The following LINGO2 variants were observed in gnomAD, a reference collection of about 807,000 sequenced individuals.
LINGO2 encodes leucine-rich repeat and immunoglobulin-like domain-containing nogo receptor-interacting protein 2.
In LINGO2, 14 loss-of-function variants were observed where a neutral mutation model predicts 30.6. That is an observed-to-expected ratio of 0.46 (90% CI 0.30 to 0.72). LINGO2 has a LOEUF of 0.72. LINGO2 is among the 30% of genes least tolerant of loss of function. LINGO2 has a pLI of 0.07. For synonymous variants in LINGO2, 317 were observed against 288.5 expected (o/e 1.10, Z -1.00); for missense variants, 729 against 751.7 (o/e 0.97, Z 0.35).
the LINGO2 span, among the ~76,000 whole-genome samples, chr9:28,968,926 T>A: frequency 6.6e-6 from 1 of 152,172 alleles, no homozygotes; most frequent in Non-Finnish European, 1.5e-5. Context: ...AGTAGACACA[T>A]GCTCCCAAAG....
chr9:28,128,362 A>G (rs1303916768), intron 4 of LINGO2, among the ~76,000 whole-genome samples: 1 of 152,182 alleles, frequency 6.6e-6, no homozygotes, highest in Admixed American at 6.5e-5. Flanking sequence ...GAAAATCATC[A>G]TTCCCAGATT....
intron 5 of LINGO2, among the ~76,000 whole-genome samples, chr9:27,976,192 G>T (rs572515756): frequency 6.6e-6 from 1 of 152,248 alleles, no homozygotes; most frequent in South Asian, 2.1e-4. Flanking sequence ...AGCAGTGTCT[G>T]CCACTTACTA....
At chr9:28,409,322 A>G (rs1315012126) in intron 2 of LINGO2, among the ~76,000 whole-genome samples, 1 of 152,060 alleles carries the variant, frequency 6.6e-6, no homozygotes. Context: ...TAATTTTAAC[A>G]CCCACTTCAC....
rs576738941 is a variant in LINGO2, at chr9:28,150,977, A to T, written c.-86-138572T>A. Among the ~76,000 whole-genome samples the T allele has an allele frequency of 1.4e-4, 22 of 152,368 alleles. No homozygotes were observed. The South Asian group carries it at 4.6e-3, about 32-fold the overall frequency. Reference sequence around the variant, plus strand: ...TAAATTCTTTTATCCTTAAAGAAACACACAATTGCAAAGCCTTTTAGAGTA... The same window carrying T: ...TAAATTCTTTTATCCTTAAAGAAACTCACAATTGCAAAGCCTTTTAGAGTA... On this transcript the variant is annotated intron_variant, in intron 4 of 5. Coordinates refer to ENST00000379992, the Ensembl canonical transcript of LINGO2.
In LINGO2 at chr9:28,307,304, C is replaced by T. The variant is rs142026930; in HGVS notation, c.-245-11938G>A. On this transcript the variant is annotated intron_variant, in intron 3 of 5. Transcript: ENST00000379992. ...GTAAATCAATAAATGTAATCCAGCA[C>T]ATAAACAGAACCAAAGACAAAAACC... 0.016 allele frequency among the ~76,000 whole-genome samples: 2,442 copies of T among 152,064 alleles called. 145 individuals are homozygous for T. The East Asian group carries it at 0.2, about 12-fold the overall frequency.
chr9:28,478,011 AC>A (rs1825795570), intron 1 of LINGO2, among the ~76,000 whole-genome samples: 1 of 152,154 alleles, frequency 6.6e-6, no homozygotes, highest in Admixed American at 6.5e-5. Context: ...GAGACTGGAT[AC>A]TTTTCATCCC....
chr9:28,794,159 C>A, the LINGO2 span, among the ~76,000 whole-genome samples: 1 of 152,054 alleles, frequency 6.6e-6, no homozygotes, highest in African/African-American at 2.4e-5. Context: ...CGAAAATTAG[C>A]CGGGCGTGGC....
intron 4 of LINGO2, among the ~76,000 whole-genome samples, chr9:28,181,835 C>T (rs951907993): frequency 5.9e-5 from 9 of 151,876 alleles, no homozygotes; most frequent in African/African-American, 2.2e-4. Flanking sequence ...TGAAGAGGTC[C>T]TTCTATCCTC....
the LINGO2 span, among the ~76,000 whole-genome samples, chr9:29,101,320 G>T: frequency 6.6e-6 from 1 of 152,068 alleles, no homozygotes; most frequent in Non-Finnish European, 1.5e-5. Flanking sequence ...GATAGGTTGG[G>T]GACTTAAGAA....
chr9:28,441,403 T>C (rs1312673259), intron 2 of LINGO2, among the ~76,000 whole-genome samples: 2 of 151,962 alleles, frequency 1.3e-5, no homozygotes, highest in Non-Finnish European at 2.9e-5. Context: ...TGTTCATCTT[T>C]GATAGACTTT....
the LINGO2 span, among the ~76,000 whole-genome samples, chr9:29,090,818 A>G: frequency 6.6e-6 from 1 of 152,084 alleles, no homozygotes; most frequent in East Asian, 1.9e-4. Flanking sequence ...ACTAGATTAT[A>G]TATTTGCTAA....
chr9:29,063,690 T>G, the LINGO2 span, among the ~76,000 whole-genome samples: 3,321 of 152,206 alleles, frequency 0.022, 117 homozygotes, highest in African/African-American at 0.074. Flanking sequence ...ATGAGTCAAC[T>G]GCACCCGGCC....
chr9:29,170,784 C>T, the LINGO2 span, among the ~76,000 whole-genome samples: 2 of 151,278 alleles, frequency 1.3e-5, no homozygotes, highest in African/African-American at 4.9e-5. Context: ...TATAAATGAC[C>T]AAAAAAATGA....
chr9:28,330,844 A>C (rs1453992395), intron 3 of LINGO2, among the ~76,000 whole-genome samples: 1 of 152,204 alleles, frequency 6.6e-6, no homozygotes, highest in Non-Finnish European at 1.5e-5. Flanking sequence ...ATTTTGGATT[A>C]GAAAAATAAT....
At chr9:28,773,035 C>T in the LINGO2 span, among the ~76,000 whole-genome samples, 2 of 152,036 alleles carry the variant, frequency 1.3e-5, no homozygotes, top group African/African-American at 4.8e-5. Context: ...AAGTGAAATG[C>T]TCAGTTAGGT....
chr9:28,996,939 G>T, the LINGO2 span, among the ~76,000 whole-genome samples: 1 of 152,140 alleles, frequency 6.6e-6, no homozygotes, highest in Non-Finnish European at 1.5e-5. Context: ...CATTGTATGT[G>T]TGTGTGTTCT....
chr9:28,138,311 A>C (rs1433673589), intron 4 of LINGO2, among the ~76,000 whole-genome samples: 7 of 152,138 alleles, frequency 4.6e-5, no homozygotes, highest in Non-Finnish European at 8.8e-5. Context: ...ACTTCAACCT[A>C]TCTCTAGTAA....
chr9:28,528,074 A>C (rs187521994), intron 1 of LINGO2, among the ~76,000 whole-genome samples: 4 of 152,274 alleles, frequency 2.6e-5, no homozygotes, highest in African/African-American at 7.2e-5. Flanking sequence ...TTCTCAATGC[A>C]ATGTGTCAGC....
the LINGO2 span, among the ~76,000 whole-genome samples, chr9:28,714,142 A>G: frequency 6.9e-6 from 1 of 144,010 alleles, no homozygotes; most frequent in East Asian, 2.1e-4. Context: ...CTGGGTGACA[A>G]GAGTGAAACT....
Sources: gnomAD v4.1 joint callset for allele counts (sites outside exome capture counted in the v4.1 genomes callset) on GRCh38, gnomAD v4.1.1 for gene constraint, MANE v1.5 for transcripts, NCBI Gene and HGNC (gene_info 2026-07-23, HGNC 2026-07-21) for gene names.